Variants in EIF2B3 observed in about 807,000 individuals in gnomAD.
The protein encoded by EIF2B3 is eukaryotic translation initiation factor 2B subunit gamma, also known as translation initiation factor eIF2B subunit gamma.
In EIF2B3, 20 loss-of-function variants were observed where a neutral mutation model predicts 54.1. That is an observed-to-expected ratio of 0.37 (90% CI 0.26 to 0.54). The LOEUF (loss-of-function observed/expected upper bound fraction) is 0.54, where lower values mean the gene tolerates loss of function less well. Among genes scored for constraint, EIF2B3 ranks in the 20% least tolerant of loss-of-function variants. The pLI, the probability that EIF2B3 is intolerant of heterozygous loss-of-function variation, is 0.86. For missense variants in EIF2B3, 448 were observed against 547.8 expected (o/e 0.82, Z 1.82); for synonymous variants, 153 against 188.1 (o/e 0.81, Z 1.52).
intron 3 of EIF2B3, among the ~76,000 whole-genome samples, chr1:44,955,044 G>T (rs1644207289): frequency 6.6e-6 from 1 of 152,080 alleles, no homozygotes. Context: ...CATACGTTCA[G>T]CCAGTCTTGC....
At chr1:44,873,528 T>C (rs1302963661) in intron 10 of EIF2B3, among the ~76,000 whole-genome samples, 4 of 152,238 alleles carry the variant, frequency 2.6e-5, no homozygotes, top group South Asian at 2.1e-4. Context: ...ATTATGACTA[T>C]GTAAATTCTA....
At chr1:44,869,393 G>A (rs557650808) in intron 10 of EIF2B3, among the ~76,000 whole-genome samples, 107 of 151,294 alleles carry the variant, frequency 7.1e-4, no homozygotes, top group African/African-American at 2.3e-3. Flanking sequence ...CAGGAGAATC[G>A]CTTGAACTTG....
At chr1:44,899,644 G>T (rs1656106171) in intron 5 of EIF2B3, among the ~76,000 whole-genome samples, 1 of 152,186 alleles carries the variant, frequency 6.6e-6, no homozygotes, top group Admixed American at 6.5e-5. Flanking sequence ...ATGCCAGTCA[G>T]AATGGCTACT....
chr1:44,897,431 G>A lies in EIF2B3; in HGVS notation c.580C>T (p.Arg194Cys), dbSNP rs1343195505. ...GSILQKHPRIRFHTGLVDAHL... is the reference protein window; with the variant it reads ...GSILQKHPRICFHTGLVDAHL... ...GCATCCACAAGACCCGTGTGGAAAC[G>A]TATTCTAGGATGCCTGCAAAAAAAT... Residue 194 changes from arginine to cysteine, a missense_variant, in exon 6 of 12, where the codon CGT becomes TGT. Arg to Cys is a radical substitution (Grantham distance 180). Around this residue, in one of 3 missense-constraint regions of EIF2B3, gnomAD observed 350 missense variants for 414.2 expected, o/e 0.85. Coordinates refer to ENST00000360403, the MANE Select transcript of EIF2B3 (RefSeq NM_020365.5). 4.3e-6 allele frequency: 7 copies of A among 1,611,696 alleles called. No homozygotes were observed. Among genetic ancestry groups the A allele is most frequent in the East Asian group, 2.2e-5 (1 of 44,850 alleles).
At chr1:44,935,797 A>T (rs2148937768) in intron 4 of EIF2B3, among the ~76,000 whole-genome samples, 1 of 152,298 alleles carries the variant, frequency 6.6e-6, no homozygotes, top group East Asian at 1.9e-4. Flanking sequence ...CACTGCACCC[A>T]GCCTGTAAAT....
chr1:44,924,525 C>G (rs1643814923), intron 5 of EIF2B3, among the ~76,000 whole-genome samples: 1 of 151,982 alleles, frequency 6.6e-6, no homozygotes, highest in Admixed American at 6.6e-5. Context: ...GTAGCTGGGA[C>G]TACAGGCACA....
At chr1:44,904,809 A>G (rs1643383787) in intron 5 of EIF2B3, among the ~76,000 whole-genome samples, 1 of 152,200 alleles carries the variant, frequency 6.6e-6, no homozygotes, top group Admixed American at 6.5e-5. Context: ...CACCATGTCC[A>G]GCCAGATTTG....
intron 6 of EIF2B3, among the ~76,000 whole-genome samples, chr1:44,893,494 TG>T (rs1655867818): frequency 6.6e-6 from 1 of 152,224 alleles, no homozygotes; most frequent in African/African-American, 2.4e-5. Context: ...TGATGGATTT[TG>T]TTGAGGCTGT....
rs932482007 is a variant in EIF2B3, at chr1:44,986,473, G to A, written c.-10+20C>T. On this transcript the variant is annotated intron_variant, in intron 1 of 11. Coordinates refer to ENST00000360403, the MANE Select transcript of EIF2B3 (RefSeq NM_020365.5). Reference sequence around the variant, plus strand: ...ACATGCCCGCCTCCCTCAGATGAGTGGCCCCACCGCACTGCTCACCCGGGT... The same window carrying A: ...ACATGCCCGCCTCCCTCAGATGAGTAGCCCCACCGCACTGCTCACCCGGGT... 4 of 152,634 alleles carry A rather than the reference G, an allele frequency of 2.6e-5. No homozygotes were observed. Among genetic ancestry groups the A allele is most frequent in the Non-Finnish European group, 5.8e-5 (4 of 68,382 alleles). The allele number at this position is 152,634 out of a possible 1,614,324, so 9.5% of individuals were successfully genotyped here. A position where few individuals can be genotyped will look rare whatever the true frequency, so the allele number is the denominator to read the frequency against.
In EIF2B3 at chr1:44,959,388, G is replaced by A. The variant is rs891168072; in HGVS notation, c.295-17723C>T. On this transcript the variant is annotated intron_variant, in intron 3 of 11. Transcript: ENST00000360403. Reference sequence around the variant, plus strand: ...TCTAGCAGGGCCTTCAAAGTAAAAAGAATTTGAGCCAGGCATGGTGTCACA... The same window carrying A: ...TCTAGCAGGGCCTTCAAAGTAAAAAAAATTTGAGCCAGGCATGGTGTCACA... 3 of 536,164 alleles carry A rather than the reference G, an allele frequency of 5.6e-6. No individual in the cohort carries two copies. In the South Asian group the frequency reaches 5.9e-5, roughly 11 times the overall value. 33.2% of individuals were successfully genotyped at this position (536,164 alleles called of 1,614,324 possible).
chr1:44,914,160 A>ATTT lies in EIF2B3; in HGVS notation c.566+12465_566+12467dup, dbSNP rs34681417. ...GCTTTTAAAACTTTTTAAATTGGGA[A>ATTT]TTTTTTTTTTTTTTTTTGAGGCAGA... is the stretch of plus-strand genomic sequence containing the variant. On this transcript the variant is annotated intron_variant, in intron 5 of 11. Transcript: ENST00000360403. Among the ~76,000 whole-genome samples, 228 of 133,664 alleles carry ATTT rather than the reference A, an allele frequency of 1.7e-3. 1 individual carries two copies. The highest frequency in any genetic ancestry group is 6.0e-3 in the African/African-American group (215 of 35,798). 87.7% of individuals were successfully genotyped at this position (133,664 alleles called of 152,430 possible). A position where few individuals can be genotyped will look rare whatever the true frequency, so the allele number is the denominator to read the frequency against.
At chr1:44,856,976 T>C (rs990571236) in intron 11 of EIF2B3, among the ~76,000 whole-genome samples, 13 of 151,952 alleles carry the variant, frequency 8.6e-5, no homozygotes, top group African/African-American at 3.1e-4. Context: ...GGCTAATTTT[T>C]AATTTTTTTG....
chr1:44,981,054 G>T lies in EIF2B3; in HGVS notation c.115C>A (p.Pro39Thr). 1 of 1,613,264 alleles carries T rather than the reference G, an allele frequency of 6.2e-7. No homozygotes were observed. The highest frequency in any genetic ancestry group is 1.3e-5 in the African/African-American group (1 of 74,730). The change falls in exon 2 of 12, where the codon CCA becomes ACA. Residue 39 changes from proline to threonine, a missense_variant. Around this residue, in one of 3 missense-constraint regions of EIF2B3, gnomAD observed 95 missense variants for 115.7 expected, o/e 0.82. Transcript: ENST00000360403. ...CCAACACGCTCAAGCAGGTTCAATGGGTACCAAATTAAAGGTTTGTTCCCA... is the reference window on the plus strand; with the variant it reads ...CCAACACGCTCAAGCAGGTTCAATGTGTACCAAATTAAAGGTTTGTTCCCA... ...PVGNKPLIWYPLNLLERVGFE... is the reference protein window; with the variant it reads ...PVGNKPLIWYTLNLLERVGFE...
chr1:44,947,630 G>C (rs1243228800), intron 3 of EIF2B3, among the ~76,000 whole-genome samples: 1 of 151,972 alleles, frequency 6.6e-6, no homozygotes, highest in Non-Finnish European at 1.5e-5. Context: ...CAAGGAGAAA[G>C]AAAAACACAT....
intron 11 of EIF2B3, among the ~76,000 whole-genome samples, chr1:44,856,496 C>A (rs1654438032): frequency 7.6e-6 from 1 of 130,740 alleles, no homozygotes; most frequent in African/African-American, 3.0e-5. Flanking sequence ...GCCTAGGCGA[C>A]AGAGCAAGAC....
chr1:44,965,838 C>G (rs1644331805), intron 3 of EIF2B3, among the ~76,000 whole-genome samples: 1 of 151,880 alleles, frequency 6.6e-6, no homozygotes, highest in African/African-American at 2.4e-5. Context: ...CAAGGCTTCT[C>G]CATGTTGGCC....
chr1:44,962,285 T>C (rs1644293698), intron 3 of EIF2B3, among the ~76,000 whole-genome samples: 1 of 151,988 alleles, frequency 6.6e-6, no homozygotes. Flanking sequence ...GGACCAGCCA[T>C]GTCAGTAAAC....
chr1:44,926,110 C>T (rs1010930495), intron 5 of EIF2B3, among the ~76,000 whole-genome samples: 7 of 151,946 alleles, frequency 4.6e-5, no homozygotes, highest in Non-Finnish European at 2.9e-5. Context: ...TACCTGTAAT[C>T]CCAGCTACTC....
At chr1:44,863,256 A>C (rs903048432) in intron 10 of EIF2B3, 1 of 152,240 alleles carries the variant, frequency 6.6e-6, no homozygotes, top group African/African-American at 2.4e-5. Flanking sequence ...ACTTTGGCCG[A>C]AAGATTATGG....
Sources: allele counts gnomAD v4.1 joint callset (sites outside exome capture counted in the v4.1 genomes callset), GRCh38; gene constraint gnomAD v4.1.1; regional missense constraint gnomAD v4.1.1; transcripts MANE v1.5; gene names NCBI Gene and HGNC (gene_info 2026-07-23, HGNC 2026-07-21).